The following HERC6 variants were observed in gnomAD, a reference collection of about 807,000 sequenced individuals.
The protein encoded by HERC6 is probable E3 ubiquitin-protein ligase HERC6.
In HERC6, 101 loss-of-function variants were observed where a neutral mutation model predicts 114.5. That is an observed-to-expected ratio of 0.88 (90% CI 0.75 to 1.04). The LOEUF (loss-of-function observed/expected upper bound fraction) is 1.04, where lower values mean the gene tolerates loss of function less well. HERC6 is among the 50% of genes least tolerant of loss of function. The pLI is 0.00. For synonymous variants in HERC6, 408 were observed against 436.2 expected, an observed-to-expected ratio of 0.94 and a Z score of 0.81; for missense variants, 1,133 against 1,230.9, an observed-to-expected ratio of 0.92 and a Z score of 1.19.
chr4:88,394,934 A>G (rs1735149489), intron 5 of HERC6, among the ~76,000 whole-genome samples: 1 of 152,184 alleles, frequency 6.6e-6, no homozygotes, highest in South Asian at 2.1e-4. Context: ...TCAATAATCC[A>G]CTTTACAGCC....
chr4:88,404,768 C>A, intron 8 of HERC6, 108 bp from the exon 9 acceptor site: 2 of 1,389,438 alleles, frequency 1.4e-6, no homozygotes, highest in Non-Finnish European at 1.9e-6. Context: ...AATGCTACCA[C>A]CCAAGAGGGC....
At position 88,440,202 on chromosome 4, in the gene HERC6, T is replaced by C. The variant is rs776800541; in HGVS notation, c.2794T>C (p.Trp932Arg). 1.2e-6 allele frequency: 2 copies of C among 1,607,584 alleles called. No homozygotes were observed. Among genetic ancestry groups the C allele is most frequent in the Admixed American group, 3.4e-5 (2 of 59,062 alleles). ...ATCACATCCTACTATACAGTTGTTTTGGAAGGCTTTCCACAAACTAACCTT... is the reference window on the plus strand; with the variant it reads ...ATCACATCCTACTATACAGTTGTTTCGGAAGGCTTTCCACAAACTAACCTT... ...QKSHPTIQLF[W>R]KAFHKLTLDE... Residue 932 changes from tryptophan to arginine, a missense_variant, in exon 22 of 23, where the codon TGG becomes CGG. Trp to Arg is a moderately radical substitution (Grantham distance 101, BLOSUM62 -3). This residue lies in a region of HERC6 where 388 missense variants were observed against 445.9 expected (regional missense o/e 0.87). Transcript: ENST00000264346.
chr4:88,442,503 C>A lies in HERC6; in HGVS notation c.*43C>A. 2.2e-6 allele frequency: 3 copies of A among 1,391,514 alleles called. No individual in the cohort carries two copies. The highest frequency in any genetic ancestry group is 1.2e-5 in the South Asian group (1 of 84,222). The allele number at this position is 1,391,514 out of a possible 1,614,324, so 86.2% of individuals were successfully genotyped here. On this transcript the variant is annotated 3_prime_UTR_variant, in exon 23 of 23. Transcript: ENST00000264346. ...AGGGTGGGCTTTCTCACACTTGGAT[C>A]CTTCTGTTCTTCCTTACACCTAAAT...
rs1333663352 is a variant in HERC6 at position 88,405,989 on chromosome 4, T to G, written c.1274+376T>G. On this transcript the variant is annotated intron_variant, in intron 10 of 22. Transcript: ENST00000264346. ...TGTATGATCAATTAAAAAATAGATC[T>G]TATTTATGTTGTCTTTAACTCACTG... Among the ~76,000 whole-genome samples, 3 of 152,314 alleles carry G rather than the reference T, an allele frequency of 2.0e-5. No homozygotes were observed. The East Asian group carries it at 5.8e-4, about 29-fold the overall frequency.
At chr4:88,413,794 G>A (rs1439859678) in intron 12 of HERC6, among the ~76,000 whole-genome samples, 1 of 152,174 alleles carries the variant, frequency 6.6e-6, no homozygotes. Flanking sequence ...GAGGAGAGGG[G>A]AGGTAGGGAA....
intron 22 of HERC6, among the ~76,000 whole-genome samples, chr4:88,441,370 G>A (rs534157289): frequency 3.9e-5 from 6 of 152,288 alleles, no homozygotes; most frequent in African/African-American, 1.4e-4. Flanking sequence ...ACCCTACGAG[G>A]TAGGTACTAT....
At chr4:88,392,387 A>C (rs1262844107) in intron 4 of HERC6, among the ~76,000 whole-genome samples, 1 of 151,012 alleles carries the variant, frequency 6.6e-6, no homozygotes, top group Non-Finnish European at 1.5e-5. Context: ...TTGGGGTTTC[A>C]CCATGTTGCC....
intron 13 of HERC6, 34 bp from the exon 14 acceptor site, chr4:88,423,826 G>T (rs765106160): frequency 3.1e-6 from 3 of 967,856 alleles, no homozygotes; most frequent in Non-Finnish European, 4.6e-6. Flanking sequence ...CTTATTGATA[G>T]AAAATGAAAT....
chr4:88,430,319 G>A lies in HERC6; in HGVS notation c.2107-843G>A, dbSNP rs542623607. 7.4e-4 allele frequency among the ~76,000 whole-genome samples: 112 copies of A among 151,956 alleles called. 1 individual carries two copies. The highest frequency in any genetic ancestry group is 2.5e-3 in the African/African-American group (102 of 41,448). Reference sequence around the variant, plus strand: ...AAAAAGAGGGACTGGGGCCAGGTGCGGTGGCTCACACCTGTAATCCCAGCA... The same window carrying A: ...AAAAAGAGGGACTGGGGCCAGGTGCAGTGGCTCACACCTGTAATCCCAGCA... On this transcript the variant is annotated intron_variant, in intron 16 of 22. Coordinates refer to ENST00000264346, the MANE Select transcript of HERC6 (RefSeq NM_017912.4).
Position 88,423,879 on chromosome 4 carries a change from G to A in HERC6, c.1733G>A (p.Arg578Gln), listed in dbSNP as rs61734924. 1.7e-3 allele frequency: 2,595 copies of A among 1,541,452 alleles called. 42 individuals are homozygous for A. In the African/African-American group the frequency reaches 0.032, roughly 19 times the overall value. ...TTTAAGGTAAACAAAGCTAACTGTC[G>A]ACTACCAGAAAATACTTTCAACATA... ...ELHKVNKANC[R>Q]LPENTFNINE... The change falls in exon 14 of 23, where the codon CGA (arginine) becomes CAA (glutamine). Residue 578 changes from arginine (R) to glutamine (Q), a missense_variant. By Grantham distance (43) the Arg-to-Gln change is conservative. This residue lies in a region of HERC6 where 735 missense variants were observed against 754.0 expected (regional missense o/e 0.97). Coordinates refer to ENST00000264346, the MANE Select transcript of HERC6 (RefSeq NM_017912.4).
intron 3 of HERC6, among the ~76,000 whole-genome samples, chr4:88,387,288 T>G (rs756898474): frequency 1.3e-5 from 2 of 152,192 alleles, no homozygotes; most frequent in Non-Finnish European, 2.9e-5. Context: ...TTCCAACTAA[T>G]CAGGGGGCTG....
rs756649600 is a variant in HERC6, at chr4:88,435,744, G to T, written c.2270G>T (p.Arg757Ile). Residue 757 changes from arginine (R) to isoleucine (I), a missense_variant, in exon 18 of 23, where the codon AGA becomes ATA. By Grantham distance (97) the Arg-to-Ile change is moderately conservative. Transcript: ENST00000264346. Reference sequence around the variant, plus strand: ...TTCTAGCCTAAACCTGAGAAGAAAAGATATTTCCTCTTTGGAATGCTGTGT... The same window carrying T: ...TTCTAGCCTAAACCTGAGAAGAAAATATATTTCCTCTTTGGAATGCTGTGT... Reference protein sequence around the residue: ...FPAKPKPEKKRYFLFGMLCGL... With the variant: ...FPAKPKPEKKIYFLFGMLCGL... 1 of 1,564,888 alleles carries T rather than the reference G, an allele frequency of 6.4e-7. No homozygotes were observed. Among genetic ancestry groups the T allele is most frequent in the Non-Finnish European group, 8.7e-7 (1 of 1,155,284 alleles).
At position 88,379,065 on chromosome 4, in the gene HERC6, AGAC is replaced by A; in HGVS notation, c.145_147del (p.Asp49del). 6.4e-7 allele frequency: 1 copy of A among 1,553,552 alleles called. No individual in the cohort carries two copies. Among genetic ancestry groups the A allele is most frequent in the Non-Finnish European group, 8.7e-7 (1 of 1,150,142 alleles). ...CCAACCACAGGGTCCTCTCGTGCGGAGACAACAGCAGGGGTCAGCTGGGCCGCA... is the reference window on the plus strand; with the variant it reads ...CCAACCACAGGGTCCTCTCGTGCGGAAACAGCAGGGGTCAGCTGGGCCGCA... On this transcript the variant is annotated inframe_deletion, in exon 1 of 23. Transcript: ENST00000264346.
At chr4:88,428,061 T>C (rs1476072769) in intron 15 of HERC6, among the ~76,000 whole-genome samples, 1 of 152,242 alleles carries the variant, frequency 6.6e-6, no homozygotes, top group Non-Finnish European at 1.5e-5. Flanking sequence ...CTGTGGCATA[T>C]TCTTAAAGAG....
chr4:88,440,277 C>A, intron 22 of HERC6, 27 bp downstream of exon 22: 2 of 1,183,146 alleles, frequency 1.7e-6, no homozygotes, highest in African/African-American at 1.5e-5. Context: ...TAGATGGACA[C>A]ATAATTATGT....
intron 10 of HERC6, among the ~76,000 whole-genome samples, chr4:88,407,327 C>A (rs1340386282): frequency 6.6e-6 from 1 of 152,130 alleles, no homozygotes; most frequent in Non-Finnish European, 1.5e-5. Context: ...GTGATCCGCC[C>A]ACCTCAGCCT....
In HERC6 at chr4:88,405,094, A is replaced by G. The variant is rs1432119490; in HGVS notation, c.1214+97A>G. ...GAGGTTTTGGTTTTGTTGTGAAGGT[A>G]TTTGCATTTTGACCATGATTCTCTT... is the stretch of plus-strand genomic sequence containing the variant. On this transcript the variant is annotated intron_variant, in intron 9 of 22. Transcript: ENST00000264346. 3.4e-6 allele frequency: 5 copies of G among 1,458,088 alleles called. No individual in the cohort carries two copies. The African/African-American group carries it at 4.3e-5, about 12-fold the overall frequency. 90.3% of individuals were successfully genotyped at this position (1,458,088 alleles called of 1,614,324 possible). A position where few individuals can be genotyped will look rare whatever the true frequency, so the allele number is the denominator to read the frequency against.
rs761484609 is a variant in HERC6 at position 88,380,456 on chromosome 4, C to T, written c.199+1336C>T. ...ATAATAGGCCGGACGCGGTGGCTTACGCCTGTGATCCCAGCACTTTGGGAG... is the reference window on the plus strand; with the variant it reads ...ATAATAGGCCGGACGCGGTGGCTTATGCCTGTGATCCCAGCACTTTGGGAG... On this transcript the variant is annotated intron_variant, in intron 1 of 22. Coordinates refer to ENST00000264346, the MANE Select transcript of HERC6 (RefSeq NM_017912.4). Among the ~76,000 whole-genome samples, 9 of 129,580 alleles carry T rather than the reference C, an allele frequency of 6.9e-5. No individual in the cohort carries two copies. In the South Asian group the frequency reaches 1.5e-3, roughly 22 times the overall value. 85.0% of individuals were successfully genotyped at this position (129,580 alleles called of 152,430 possible).
At chr4:88,441,535 T>C (rs970033096) in intron 22 of HERC6, among the ~76,000 whole-genome samples, 1 of 152,138 alleles carries the variant, frequency 6.6e-6, no homozygotes, top group African/African-American at 2.4e-5. Flanking sequence ...TGTAGCCTCA[T>C]GGTATAAGAA....
Sources: allele counts gnomAD v4.1 joint callset (sites outside exome capture counted in the v4.1 genomes callset), GRCh38; gene constraint gnomAD v4.1.1; regional missense constraint gnomAD v4.1.1; transcripts MANE v1.5; gene names NCBI Gene and HGNC (gene_info 2026-07-23, HGNC 2026-07-21).